Variants in CDK11B observed in about 807,000 individuals in gnomAD.
CDK11B encodes cyclin dependent kinase 11B, also known as cyclin-dependent kinase 11B.
CDK11B carries 37 observed loss-of-function variants against 84.0 expected under a neutral mutation model. The ratio of observed to expected loss-of-function variants is 0.44; its 90% CI spans 0.34 to 0.58. The LOEUF (loss-of-function observed/expected upper bound fraction) is 0.58. Among genes scored for constraint, CDK11B ranks in the 20% least tolerant of loss-of-function variants. The pLI, the probability that CDK11B is intolerant of heterozygous loss-of-function variation, is 0.02. For synonymous variants in CDK11B, 269 were observed against 309.8 expected (o/e 0.87, Z 1.38); for missense variants, 427 against 834.0 (o/e 0.51, Z 6.01).
At chr1:1,637,641 T>C (rs555578711) in intron 13 of CDK11B, 121 bp downstream of exon 13, 38 of 1,608,490 alleles carry the variant, frequency 2.4e-5, no homozygotes, top group Admixed American at 6.7e-5. Flanking sequence ...TGCTTCTGTG[T>C]GGTCTGTGAA....
intron 10 of CDK11B, 86 bp downstream of exon 10, chr1:1,640,962 G>A (rs1048055316): frequency 2.0e-5 from 32 of 1,598,200 alleles, no homozygotes; most frequent in Middle Eastern, 1.7e-4. Context: ...CGTGCCCCAC[G>A]CTGCGCAGGA....
Position 1,636,418 on chromosome 1 carries a change from T to C in CDK11B, c.1981A>G (p.Met661Val). The C allele has an allele frequency of 6.2e-7, 1 of 1,612,960 alleles. No individual in the cohort carries two copies. The highest frequency in any genetic ancestry group is 8.5e-7 in the Non-Finnish European group (1 of 1,179,420). The change falls in exon 18 of 20, where the codon ATG becomes GTG. Residue 661 changes from methionine (M) to valine (V), a missense_variant. This residue lies in a region of CDK11B where 170 missense variants were observed against 196.0 expected (regional missense o/e 0.87). Coordinates refer to ENST00000341832, the MANE Select transcript of CDK11B (RefSeq NM_033486.3). ...GYSELPAVKK[M>V]TFSEHPYNNL... is the part of the protein sequence containing the mutation. Reference sequence around the variant, plus strand: ...TTGTAGGGGTGCTCGCTGAAGGTCATCTTCTTGACTGCTGGGAGCTCGCTG... The same window carrying C: ...TTGTAGGGGTGCTCGCTGAAGGTCACCTTCTTGACTGCTGGGAGCTCGCTG...
chr1:1,652,019 GCT>G (rs1318546937), intron 4 of CDK11B, among the ~76,000 whole-genome samples: 4 of 151,008 alleles, frequency 2.6e-5, no homozygotes, highest in South Asian at 2.1e-4. Flanking sequence ...GCTAGAGTTT[GCT>G]CTCTCTGGTT....
intron 10 of CDK11B, among the ~76,000 whole-genome samples, 179 bp downstream of exon 10, chr1:1,640,869 A>T (rs147314384): frequency 0.071 from 8,983 of 126,912 alleles, no homozygotes; most frequent in African/African-American, 0.23. Flanking sequence ...GCCCTTGGTC[A>T]GCACTGTGCC....
intron 15 of CDK11B, 36 bp from the exon 16 acceptor site, chr1:1,637,040 G>T (rs761339025): frequency 6.2e-7 from 1 of 1,613,224 alleles, no homozygotes; most frequent in Non-Finnish European, 8.5e-7. Context: ...AGTGGGCCCC[G>T]GCAGGTCTCC....
At chr1:1,653,648 C>T (rs1438710028) in intron 3 of CDK11B, among the ~76,000 whole-genome samples, 1 of 151,930 alleles carries the variant, frequency 6.6e-6, no homozygotes, top group Admixed American at 6.6e-5. Context: ...ACAAGGGCAG[C>T]TCATTTTATG....
At chr1:1,648,857 C>A (rs1398515668) in intron 5 of CDK11B, among the ~76,000 whole-genome samples, 1 of 152,014 alleles carries the variant, frequency 6.6e-6, no homozygotes, top group Non-Finnish European at 1.5e-5. Flanking sequence ...GCAGCCTTGA[C>A]CTCCAGGCTC....
intron 4 of CDK11B, among the ~76,000 whole-genome samples, chr1:1,651,785 C>T (rs1393616897): frequency 3.4e-5 from 5 of 146,046 alleles, no homozygotes; most frequent in Admixed American, 1.4e-4. Context: ...AACACACGCA[C>T]GCTTTCAGCT....
Position 1,636,985 on chromosome 1 carries a change from G to A in CDK11B, c.1712C>T (p.Ala571Val), listed in dbSNP as rs1462668002. Residue 571 changes from alanine to valine, a missense_variant, in exon 16 of 20, where the codon GCG becomes GTG. Physicochemically the swap from Ala to Val is moderately conservative, Grantham distance 64. This residue lies in a region of CDK11B where 170 missense variants were observed against 196.0 expected (regional missense o/e 0.87). Coordinates refer to ENST00000341832, the MANE Select transcript of CDK11B (RefSeq NM_033486.3). ...CTTCAGAGGGGATCCGTACTCCCGC[G>A]CCAGCCCGAAGTCACCCACCTGCAA... ...GILKVGDFGL[A>V]REYGSPLKAY... 1.2e-6 allele frequency: 2 copies of A among 1,611,686 alleles called. No homozygotes were observed. Among genetic ancestry groups the A allele is most frequent in the Non-Finnish European group, 1.7e-6 (2 of 1,178,750 alleles).
chr1:1,637,708 G>T, intron 13 of CDK11B, 54 bp downstream of exon 13: 1 of 1,613,436 alleles, frequency 6.2e-7, no homozygotes, highest in Non-Finnish European at 8.5e-7. Flanking sequence ...ACAGCACGGG[G>T]CCCTGTCAGA....
chr1:1,636,541 T>G (rs2100653844), intron 17 of CDK11B, 60 bp from the exon 18 acceptor site: 1 of 1,580,500 alleles, frequency 6.3e-7, no homozygotes, highest in East Asian at 2.3e-5. Flanking sequence ...GGCACCTGTG[T>G]CCCGTCAGAG....
intron 11 of CDK11B, among the ~76,000 whole-genome samples, chr1:1,639,696 C>T (rs1226735633): frequency 6.6e-6 from 1 of 151,954 alleles, no homozygotes; most frequent in Non-Finnish European, 1.5e-5. Context: ...CCAGAGAGAA[C>T]CTCTCCGCCC....
intron 3 of CDK11B, among the ~76,000 whole-genome samples, chr1:1,652,851 G>A (rs1461476345): frequency 2.7e-5 from 4 of 150,910 alleles, no homozygotes; most frequent in Admixed American, 6.6e-5. Context: ...TCAGCCTCCC[G>A]AGTAGCTGGG....
intron 2 of CDK11B, 72 bp downstream of exon 2, chr1:1,657,303 C>G: frequency 2.5e-6 from 4 of 1,613,160 alleles, no homozygotes; most frequent in Non-Finnish European, 3.4e-6. Flanking sequence ...AAGCGTTGTT[C>G]TAATGGAAAA....
chr1:1,636,367 G>A lies in CDK11B; in HGVS notation c.2032C>T (p.Leu678=), dbSNP rs1411764830. 24 of 1,597,360 alleles carry A rather than the reference G, an allele frequency of 1.5e-5. No individual in the cohort carries two copies. Among genetic ancestry groups the A allele is most frequent in the Non-Finnish European group, 2.0e-5 (23 of 1,171,568 alleles). Residue 678 remains leucine, a synonymous_variant, in exon 18 of 20, where the codon CTG becomes TTG. Coordinates refer to ENST00000341832, the MANE Select transcript of CDK11B (RefSeq NM_033486.3). ...YNNLRKRFGA[L]LSDQGFDLMN... is the part of the protein sequence containing the mutation. ...AGGTCGAAGCCCTGGTCTGAGAGCAGAGCCCCGAAGCGCTTGCGGAGGTTG... is the reference window on the plus strand; with the variant it reads ...AGGTCGAAGCCCTGGTCTGAGAGCAAAGCCCCGAAGCGCTTGCGGAGGTTG...
chr1:1,644,720 G>A (rs527623190), intron 6 of CDK11B, among the ~76,000 whole-genome samples: 901 of 151,738 alleles, frequency 5.9e-3, no homozygotes, highest in African/African-American at 0.021. Context: ...GGCCGGCCGC[G>A]GTGGCTCACG....
chr1:1,636,756 A>G lies in CDK11B; in HGVS notation c.1843T>C (p.Phe615Leu). The G allele has an allele frequency of 6.2e-7, 1 of 1,613,922 alleles. No homozygotes were observed. The highest frequency in any genetic ancestry group is 8.5e-7 in the Non-Finnish European group (1 of 1,179,858). The stretch of plus-strand genomic sequence containing the variant: ...GGCTTCTGAGTCAGCAGCTCCCCGA[A>G]GATGCAACCCACTGACCACATGTCC... The part of the protein sequence containing the change: ...AVDMWSVGCI[F>L]GELLTQKPLF... The change falls in exon 17 of 20, where the codon TTC (phenylalanine) becomes CTC (leucine). Residue 615 changes from phenylalanine (F) to leucine (L), a missense_variant. Around this residue, in one of 12 missense-constraint regions of CDK11B, gnomAD observed 170 missense variants for 196.0 expected, o/e 0.87. Coordinates refer to ENST00000341832, the MANE Select transcript of CDK11B (RefSeq NM_033486.3).
At chr1:1,656,272 C>A (rs1642734068) in intron 2 of CDK11B, among the ~76,000 whole-genome samples, 1 of 151,668 alleles carries the variant, frequency 6.6e-6, no homozygotes, top group Non-Finnish European at 1.5e-5. Context: ...AGGTGAATCA[C>A]CTGAGGTCAG....
rs782129056 is a variant in CDK11B at position 1,653,825 on chromosome 1, T to TACACACACACACAC, written c.228-1273_228-1260dup. 6.7e-3 allele frequency among the ~76,000 whole-genome samples: 814 copies of TACACACACACACAC among 121,850 alleles called. 14 individuals carry two copies. The highest frequency in any genetic ancestry group is 0.022 in the African/African-American group (572 of 26,282). The allele number at this position is 121,850 out of a possible 152,430, so 79.9% of individuals were successfully genotyped here. A position where few individuals can be genotyped will look rare whatever the true frequency, so the allele number is the denominator to read the frequency against. ...CAGTGAAATCCGTCTCTACTAAAAA[T>TACACACACACACAC]ACACACACACACACACACACACACA... On this transcript the variant is annotated intron_variant, in intron 3 of 19. Coordinates refer to ENST00000341832, the MANE Select transcript of CDK11B (RefSeq NM_033486.3).
Sources: allele counts gnomAD v4.1 joint callset (sites outside exome capture counted in the v4.1 genomes callset), GRCh38; gene constraint gnomAD v4.1.1; regional missense constraint gnomAD v4.1.1; transcripts MANE v1.5; gene names NCBI Gene and HGNC (gene_info 2026-07-23, HGNC 2026-07-21).